The following HTR2C variants were observed in gnomAD, a reference collection of about 807,000 sequenced individuals.
The protein encoded by HTR2C is 5-hydroxytryptamine receptor 2C, also known as 5-hydroxytryptamine (serotonin) receptor 2C, G protein-coupled.
A neutral mutation model predicts 21.0 loss-of-function variants in HTR2C; 5 were observed. That is an observed-to-expected ratio of 0.24 (90% CI 0.12 to 0.50). The LOEUF (loss-of-function observed/expected upper bound fraction) is 0.50, where lower values mean the gene tolerates loss of function less well. Among genes scored for constraint, HTR2C ranks in the 20% least tolerant of loss-of-function variants. The pLI, the probability that HTR2C is intolerant of heterozygous loss-of-function variation, is 0.98. For missense variants in HTR2C, 271 were observed against 371.2 expected (o/e 0.73, Z 2.22); for synonymous variants, 150 against 145.3 (o/e 1.03, Z -0.23).
chrX:114,781,855 T>C (rs999701627), intron 4 of HTR2C, among the ~76,000 whole-genome samples: 1 of 104,705 alleles, frequency 9.6e-6, no homozygotes, highest in Non-Finnish European at 1.9e-5. Context: ...AGTAACCAAA[T>C]GTCTAATTGG....
chrX:114,888,885 C>G (rs1556482250), intron 5 of HTR2C, among the ~76,000 whole-genome samples: 1 of 111,832 alleles, frequency 8.9e-6, no homozygotes, highest in East Asian at 2.8e-4. Context: ...GGATATACCA[C>G]ATATTTACCT....
At chrX:114,639,651 T>A (rs1930013773) in intron 2 of HTR2C, 1 of 113,104 alleles carries the variant, frequency 8.8e-6, no homozygotes, top group Non-Finnish European at 1.9e-5. Flanking sequence ...TTTAAAGATT[T>A]TGAAATGCAA....
rs782696827 is a variant in HTR2C at position 114,586,602 on chromosome X, G to A, written c.-147+1943G>A. ...TGTTTTTCTATCTGCATTATCTAGA[G>A]AGGGTTATTAACCCTTTCTATGCTT... On this transcript the variant is annotated intron_variant, in intron 1 of 5. Transcript: ENST00000276198. 4.5e-5 allele frequency among the ~76,000 whole-genome samples: 5 copies of A among 110,857 alleles called. No homozygotes were observed. In the South Asian group the frequency reaches 1.9e-3, roughly 43 times the overall value.
chrX:114,841,043 A>G (rs2070829099), intron 4 of HTR2C, among the ~76,000 whole-genome samples: 1 of 112,102 alleles, frequency 8.9e-6, no homozygotes, highest in Non-Finnish European at 1.9e-5. Context: ...CCATTCTGGA[A>G]GAAACCAAAA....
At chrX:114,837,251 G>A (rs2070795287) in intron 4 of HTR2C, among the ~76,000 whole-genome samples, 1 of 111,918 alleles carries the variant, frequency 8.9e-6, no homozygotes, top group African/African-American at 3.2e-5. Flanking sequence ...CAAAGAATCT[G>A]TGTATGGTTG....
intron 4 of HTR2C, among the ~76,000 whole-genome samples, chrX:114,804,833 G>A (rs1321699133): frequency 9.0e-6 from 1 of 111,564 alleles, no homozygotes; most frequent in Non-Finnish European, 1.9e-5. Flanking sequence ...TCTTTCCCTA[G>A]GCAATACAAC....
At position 114,809,129 on chromosome X, in the gene HTR2C, G is replaced by A. The variant is rs371299006; in HGVS notation, c.350-38874G>A. Among the ~76,000 whole-genome samples, 6 of 111,494 alleles carry A rather than the reference G, an allele frequency of 5.4e-5. No individual in the cohort carries two copies. The South Asian group carries it at 2.3e-3, about 43-fold the overall frequency. On this transcript the variant is annotated intron_variant, in intron 4 of 5. Transcript: ENST00000276198. ...GGGCAGGCCTGGAGTTGCTGTCTGG[G>A]AGCCAGGGTCTGGAGTCGGTTACCT...
intron 4 of HTR2C, among the ~76,000 whole-genome samples, chrX:114,764,926 T>TC (rs2069929120): frequency 2.8e-5 from 1 of 35,442 alleles, no homozygotes; most frequent in East Asian, 8.1e-4. Flanking sequence ...TTTCTTTCTT[T>TC]TCCTTCCTTC....
At chrX:114,771,486 C>T (rs1229985743) in intron 4 of HTR2C, among the ~76,000 whole-genome samples, 1 of 111,615 alleles carries the variant, frequency 9.0e-6, no homozygotes, top group Non-Finnish European at 1.9e-5. Flanking sequence ...GGAGGTCACA[C>T]CTTCAAATTT....
intron 4 of HTR2C, among the ~76,000 whole-genome samples, chrX:114,836,711 C>T (rs1041043466): frequency 8.9e-6 from 1 of 112,211 alleles, no homozygotes; most frequent in African/African-American, 3.2e-5. Context: ...TGTTCCTATT[C>T]GGCCATCTTG....
chrX:114,703,123 AC>A (rs1381146310), intron 2 of HTR2C, among the ~76,000 whole-genome samples: 1 of 107,451 alleles, frequency 9.3e-6, no homozygotes, highest in African/African-American at 3.4e-5. Flanking sequence ...AGACTTTAAC[AC>A]CCCACTGTCA....
chrX:114,812,716 G>A (rs1556453074), intron 4 of HTR2C, among the ~76,000 whole-genome samples: 1 of 102,989 alleles, frequency 9.7e-6, no homozygotes, highest in Non-Finnish European at 2.0e-5. Flanking sequence ...GCGACAGAGT[G>A]AGACTCCATC....
intron 2 of HTR2C, chrX:114,715,089 T>C (rs1160186663): frequency 1.7e-5 from 3 of 175,761 alleles, no homozygotes; most frequent in Non-Finnish European, 3.5e-5. Context: ...CAATAAGTTA[T>C]AAAACAATAG....
At chrX:114,899,511 G>A (rs1450100523) in intron 5 of HTR2C, among the ~76,000 whole-genome samples, 2 of 111,278 alleles carry the variant, frequency 1.8e-5, no homozygotes, top group East Asian at 5.6e-4. Context: ...GGCCCTGGTG[G>A]CATAGGTTCA....
intron 2 of HTR2C, among the ~76,000 whole-genome samples, chrX:114,631,983 C>A (rs1445778461): frequency 1.8e-5 from 2 of 112,045 alleles, no homozygotes; most frequent in African/African-American, 6.5e-5. Context: ...GTACTTACTG[C>A]AGCACCTATC....
intron 2 of HTR2C, among the ~76,000 whole-genome samples, chrX:114,668,877 C>T (rs1212584401): frequency 1.8e-5 from 2 of 110,102 alleles, no homozygotes; most frequent in African/African-American, 6.6e-5. Flanking sequence ...AAAATGTGTG[C>T]GTATGTAAAT....
At chrX:114,855,746 CTTTTTTTTTTTTTTT>C (rs782183285) in intron 5 of HTR2C, among the ~76,000 whole-genome samples, 11 of 17,930 alleles carry the variant, frequency 6.1e-4, no homozygotes, top group African/African-American at 2.1e-3. Context: ...AAGCAACCAT[CTTTTTTTTTTTTTTT>C]TTTTTTTTTT....
At chrX:114,591,189 C>T (rs1473039971) in intron 1 of HTR2C, among the ~76,000 whole-genome samples, 1 of 110,544 alleles carries the variant, frequency 9.0e-6, no homozygotes, top group Non-Finnish European at 1.9e-5. Flanking sequence ...GTCTAATAGG[C>T]CTGTATCTTT....
rs1456097018 is a variant in HTR2C, at chrX:114,645,395, G to C, written c.-80+31514G>C. 5.4e-5 allele frequency among the ~76,000 whole-genome samples: 6 copies of C among 110,766 alleles called. No homozygotes were observed. The East Asian group carries it at 1.7e-3, about 31-fold the overall frequency. The stretch of plus-strand genomic sequence containing the variant: ...ATGAGAAAATGTAGTGGACATGCCT[G>C]AAACACAGACATCAGTTTCCCTGGG... On this transcript the variant is annotated intron_variant, in intron 2 of 5. Coordinates refer to ENST00000276198, the MANE Select transcript of HTR2C (RefSeq NM_000868.4).
Sources: gnomAD v4.1 joint callset for allele counts (sites outside exome capture counted in the v4.1 genomes callset) on GRCh38, gnomAD v4.1.1 for gene constraint, MANE v1.5 for transcripts, NCBI Gene and HGNC (gene_info 2026-07-23, HGNC 2026-07-21) for gene names.